TACC2: variants seen among roughly 807,000 people sequenced by gnomAD.
TACC2 encodes the protein transforming acidic coiled-coil containing protein 2.
A neutral mutation model predicts 227.3 loss-of-function variants in TACC2; 137 were observed. The ratio of observed to expected loss-of-function variants is 0.60; its 90% CI spans 0.52 to 0.69. The LOEUF (loss-of-function observed/expected upper bound fraction) is 0.69, where lower values mean the gene tolerates loss of function less well. TACC2 is among the 30% of genes least tolerant of loss of function. The pLI, the probability that TACC2 is intolerant of heterozygous loss-of-function variation, is 0.00. For missense variants in TACC2, 3,470 were observed against 3,694.4 expected (o/e 0.94, Z 1.57); for synonymous variants, 1,523 against 1,487.5 (o/e 1.02, Z -0.55).
chr10:122,178,856 G>T (rs772459518), intron 7 of TACC2, among the ~76,000 whole-genome samples: 2 of 152,134 alleles, frequency 1.3e-5, no homozygotes, highest in African/African-American at 4.8e-5. Flanking sequence ...CTCCAGGCTG[G>T]GCAGAGTGAG....
intron 5 of TACC2, among the ~76,000 whole-genome samples, chr10:122,107,076 G>A (rs937204289): frequency 3.3e-5 from 5 of 152,224 alleles, no homozygotes; most frequent in African/African-American, 9.6e-5. Flanking sequence ...TTTCTCTTCT[G>A]TTTCATTGGC....
intron 8 of TACC2, among the ~76,000 whole-genome samples, chr10:122,202,668 T>TTTC (rs1565600608): frequency 3.4e-5 from 5 of 148,848 alleles, no homozygotes; most frequent in African/African-American, 1.2e-4. Flanking sequence ...TTCTTTCTTT[T>TTTC]TTTTTTTTTA....
chr10:122,003,934 G>A (rs371531988), intron 1 of TACC2, among the ~76,000 whole-genome samples: 282 of 152,136 alleles, frequency 1.9e-3, no homozygotes, highest in African/African-American at 6.5e-3. Flanking sequence ...GGGATTACAG[G>A]CATGAGCTAC....
Position 122,086,101 on chromosome 10 carries a change from G to A in TACC2, c.3601G>A (p.Gly1201Ser). 1.9e-6 allele frequency: 3 copies of A among 1,613,620 alleles called. No homozygotes were observed. The highest frequency in any genetic ancestry group is 2.5e-6 in the Non-Finnish European group (3 of 1,180,012). ...TGCCTTGCTGCCAGCCAGAGAGCTG[G>A]GTGGGATTCCCAGGAGCACCATGGA... Reference protein sequence around the residue: ...QDALLPARELGGIPRSTMDFS... With the variant: ...QDALLPARELSGIPRSTMDFS... The change falls in exon 4 of 23, where the codon GGT becomes AGT. Residue 1201 changes from glycine (G) to serine (S), a missense_variant. Gly to Ser is a moderately conservative substitution (Grantham distance 56). Transcript: ENST00000369005.
intron 12 of TACC2, among the ~76,000 whole-genome samples, chr10:122,225,333 C>T (rs1299398318): frequency 2.0e-5 from 3 of 152,348 alleles, no homozygotes; most frequent in East Asian, 1.9e-4. Flanking sequence ...TACAGCACTA[C>T]GTGGCCCTGG....
At chr10:122,192,529 G>A (rs2094443051) in intron 7 of TACC2, 1 of 371,366 alleles carries the variant, frequency 2.7e-6, no homozygotes, top group Non-Finnish European at 5.5e-6. Flanking sequence ...GCAGCCTCGG[G>A]GCCTCCGGAC....
At chr10:122,113,827 G>A (rs2084113153) in intron 5 of TACC2, among the ~76,000 whole-genome samples, 1 of 152,250 alleles carries the variant, frequency 6.6e-6, no homozygotes. Flanking sequence ...ACCCGCCCGA[G>A]CGTCCCCTCC....
At chr10:122,166,685 T>C (rs2093182504) in intron 7 of TACC2, among the ~76,000 whole-genome samples, 1 of 152,238 alleles carries the variant, frequency 6.6e-6, no homozygotes, top group Non-Finnish European at 1.5e-5. Context: ...AGGTGATTTG[T>C]AGGCATCTCA....
chr10:122,241,921 T>C, intron 18 of TACC2, 37 bp from the exon 19 acceptor site: 1 of 1,604,582 alleles, frequency 6.2e-7, no homozygotes, highest in Non-Finnish European at 8.5e-7. Context: ...AACCATTCTG[T>C]TGTCATGACT....
At chr10:122,031,682 C>G (rs979851280) in intron 2 of TACC2, among the ~76,000 whole-genome samples, 1 of 151,782 alleles carries the variant, frequency 6.6e-6, no homozygotes, top group Non-Finnish European at 1.5e-5. Context: ...GGATTACAGG[C>G]GTGAGCCACC....
intron 7 of TACC2, among the ~76,000 whole-genome samples, chr10:122,155,018 C>A (rs1008525568): frequency 6.6e-6 from 1 of 152,186 alleles, no homozygotes; most frequent in East Asian, 1.9e-4. Flanking sequence ...TGCGGGCAGG[C>A]GTGGGAAGAA....
At chr10:122,132,480 C>CA (rs2088498092) in intron 5 of TACC2, 129 bp from the exon 6 acceptor site, 3 of 1,105,912 alleles carry the variant, frequency 2.7e-6, no homozygotes, top group Non-Finnish European at 2.7e-6. Context: ...ACCCTGGAGA[C>CA]AGAGTTTGCA....
rs779216364 is a variant in TACC2 at position 122,008,261 on chromosome 10, A to ATTATTATTATT, written c.-45-13671_-45-13670insATTATTTTATT. Among the ~76,000 whole-genome samples, 40 of 65,210 alleles carry ATTATTATTATT rather than the reference A, an allele frequency of 6.1e-4. 3 individuals carry two copies. In the South Asian group the frequency reaches 0.015, roughly 24 times the overall value. The allele number at this position is 65,210 out of a possible 152,430, so 42.8% of individuals were successfully genotyped here. ...CTATCCCTTTGTTATTATTATTATTATTATTTTTTTTTTTTGAGACAGAAT... is the reference window on the plus strand; with the variant it reads ...CTATCCCTTTGTTATTATTATTATTATTATTATTATTTTATTTTTTTTTTTTGAGACAGAAT... On this transcript the variant is annotated intron_variant, in intron 1 of 22. Coordinates refer to ENST00000369005, the MANE Select transcript of TACC2 (RefSeq NM_206862.4).
At chr10:122,094,411 T>G (rs2081154040) in intron 5 of TACC2, among the ~76,000 whole-genome samples, 1 of 152,180 alleles carries the variant, frequency 6.6e-6, no homozygotes, top group South Asian at 2.1e-4. Flanking sequence ...CCCAAGTAGC[T>G]GAGACTGCAG....
At position 122,087,134 on chromosome 10, in the gene TACC2, C is replaced by T. The variant is rs765242232; in HGVS notation, c.4634C>T (p.Ala1545Val). The T allele has an allele frequency of 9.3e-6, 15 of 1,610,700 alleles. No homozygotes were observed. In the Admixed American group the frequency reaches 2.0e-4, roughly 22 times the overall value. Residue 1545 changes from alanine (A) to valine (V), a missense_variant, in exon 4 of 23, where the codon GCT (alanine) becomes GTT (valine). Transcript: ENST00000369005. ...GCCTGGCCAGGCCTGGAAGGCCAGG[C>T]TTACTCACAGCTGGAGAGGAGCAGG... is the stretch of plus-strand genomic sequence containing the variant. ...GAAWPGLEGQAYSQLERSRQE... is the reference protein window; with the variant it reads ...GAAWPGLEGQVYSQLERSRQE...
intron 5 of TACC2, among the ~76,000 whole-genome samples, chr10:122,104,938 C>T (rs149948638): frequency 3.1e-4 from 47 of 152,322 alleles, no homozygotes; most frequent in Non-Finnish European, 5.6e-4. Context: ...TGATGATAGA[C>T]GTAAGCATAA....
intron 4 of TACC2, 36 bp from the exon 5 acceptor site, chr10:122,088,442 C>A: frequency 6.4e-7 from 1 of 1,569,198 alleles, no homozygotes; most frequent in Non-Finnish European, 8.7e-7. Flanking sequence ...TTACTATCTA[C>A]ATTATCCTAT....
intron 3 of TACC2, among the ~76,000 whole-genome samples, chr10:122,057,652 A>G (rs1214247429): frequency 1.8e-5 from 1 of 55,270 alleles, no homozygotes; most frequent in Non-Finnish European, 4.6e-5. Context: ...AAAATAAAAA[A>G]TTAAAAAATT....
At chr10:122,128,591 A>G (rs1260152487) in intron 5 of TACC2, among the ~76,000 whole-genome samples, 3 of 152,224 alleles carry the variant, frequency 2.0e-5, no homozygotes, top group African/African-American at 7.2e-5. Flanking sequence ...ATATGAGTAC[A>G]GAAGTGGGGA....
Sources: allele counts gnomAD v4.1 joint callset (sites outside exome capture counted in the v4.1 genomes callset), GRCh38; gene constraint gnomAD v4.1.1; transcripts MANE v1.5; gene names NCBI Gene and HGNC (gene_info 2026-07-23, HGNC 2026-07-21).